The following VWF variants were observed in gnomAD, a reference collection of about 807,000 sequenced individuals.
The protein encoded by VWF is von Willebrand factor.
A neutral mutation model predicts 308.6 loss-of-function variants in VWF; 176 were observed. The ratio of observed to expected loss-of-function variants is 0.57; its 90% CI spans 0.50 to 0.65. VWF has a LOEUF of 0.65. Ranked by LOEUF, VWF falls within the 30% of genes least tolerant of loss-of-function variation. The pLI is 0.00. For synonymous variants in VWF, 1,385 were observed against 1,443.4 expected (o/e 0.96, Z 0.92); for missense variants, 3,146 against 3,648.2 (o/e 0.86, Z 3.55).
intron 18 of VWF, among the ~76,000 whole-genome samples, chr12:6,040,032 C>G (rs1565840208): frequency 6.6e-6 from 1 of 152,192 alleles, no homozygotes; most frequent in Non-Finnish European, 1.5e-5. Context: ...GAAGGCTTGA[C>G]CCGGCTCTGT....
At position 6,057,979 on chromosome 12, in the gene VWF, G is replaced by A. The variant is rs1182156724; in HGVS notation, c.1599C>T (p.Asp533=). 6.2e-7 allele frequency: 1 copy of A among 1,613,638 alleles called. No homozygotes were observed. The highest frequency in any genetic ancestry group is 8.5e-7 in the Non-Finnish European group (1 of 1,180,036). The change falls in exon 14 of 52, where the codon GAC becomes GAT. Residue 533 remains aspartate (D), a synonymous_variant. Coordinates refer to ENST00000261405, the MANE Select transcript of VWF (RefSeq NM_000552.5). ...CCAGCCCAGAGGGGGTAAGGAAGTC[G>A]TCGCCCTGGTTGCCATTGTAATTCC... ...LCGNYNGNQG[D]DFLTPSGLAE...
intron 43 of VWF, among the ~76,000 whole-genome samples, chr12:5,975,219 C>T (rs1943520600): frequency 6.6e-6 from 1 of 152,236 alleles, no homozygotes; most frequent in Non-Finnish European, 1.5e-5. Context: ...CTCCGTCAAA[C>T]CATTCACCTC....
intron 13 of VWF, 143 bp downstream of exon 13, chr12:6,062,811 A>G (rs1340034861): frequency 1.5e-5 from 10 of 682,494 alleles, no homozygotes; most frequent in Non-Finnish European, 2.5e-5. Context: ...TAAACAAGAG[A>G]GGCCTGTTTC....
chr12:6,071,501 T>A (rs763881279), intron 9 of VWF, among the ~76,000 whole-genome samples, 158 bp from the exon 10 acceptor site: 5 of 152,058 alleles, frequency 3.3e-5, no homozygotes, highest in Non-Finnish European at 5.9e-5. Flanking sequence ...GTTAAAATTG[T>A]ACAGGACAGA....
At chr12:5,971,372 A>G (rs965979731) in intron 44 of VWF, among the ~76,000 whole-genome samples, 3 of 152,200 alleles carry the variant, frequency 2.0e-5, no homozygotes, top group Non-Finnish European at 4.4e-5. Flanking sequence ...TCCCCCTGGG[A>G]GGGCCCTGGG....
At position 5,962,538 on chromosome 12, in the gene VWF, C is replaced by CTTTTT. The variant is rs35124526; in HGVS notation, c.7887+4943_7887+4947dup. ...TTGGTCCATACATACACAGGCAATTCTTTTTTTTTTTTTTTTTTTTTTTGA... is the reference window on the plus strand; with the variant it reads ...TTGGTCCATACATACACAGGCAATTCTTTTTTTTTTTTTTTTTTTTTTTTTTTTGA... On this transcript the variant is annotated intron_variant, in intron 47 of 51. Coordinates refer to ENST00000261405, the MANE Select transcript of VWF (RefSeq NM_000552.5). Among the ~76,000 whole-genome samples, 307 of 101,582 alleles carry CTTTTT rather than the reference C, an allele frequency of 3.0e-3. 5 individuals carry two copies. Among genetic ancestry groups the CTTTTT allele is most frequent in the Non-Finnish European group, 4.4e-3 (224 of 50,776 alleles). 66.6% of individuals were successfully genotyped at this position (101,582 alleles called of 152,430 possible). A position where few individuals can be genotyped will look rare whatever the true frequency, so the allele number is the denominator to read the frequency against.
intron 6 of VWF, among the ~76,000 whole-genome samples, chr12:6,089,222 C>T (rs1174205205): frequency 1.3e-5 from 2 of 152,146 alleles, no homozygotes; most frequent in Admixed American, 6.5e-5. Context: ...TCTTGGGAGA[C>T]GAGTCATTGT....
chr12:6,095,738 G>T, intron 5 of VWF, 154 bp from the exon 6 acceptor site: 1 of 781,766 alleles, frequency 1.3e-6, no homozygotes, highest in Non-Finnish European at 1.9e-6. Context: ...CTGGAGTGCA[G>T]CGGCTATTCA....
chr12:6,052,808 C>T, intron 15 of VWF, 25 bp from the exon 16 acceptor site: 1 of 1,437,244 alleles, frequency 7.0e-7, no homozygotes, highest in Non-Finnish European at 9.7e-7. Flanking sequence ...AGAAGTAAGG[C>T]CTCAGCGGGA....
chr12:6,098,852 G>A (rs1945131989), intron 5 of VWF, among the ~76,000 whole-genome samples: 2 of 152,162 alleles, frequency 1.3e-5, no homozygotes, highest in South Asian at 2.1e-4. Context: ...CAGACCTGGT[G>A]AGTGTTGAAG....
At position 6,075,557 on chromosome 12, in the gene VWF, G is replaced by A. The variant is rs1195500159; in HGVS notation, c.658-6C>T. Reference sequence around the variant, plus strand: ...TGGCACTGCTCCCACAGGCCCTGCAGGAAGAGGGGCCGCCTCAGCGGTATG... The same window carrying A: ...TGGCACTGCTCCCACAGGCCCTGCAAGAAGAGGGGCCGCCTCAGCGGTATG... On this transcript the variant is annotated splice_region_variant and splice_polypyrimidine_tract_variant and intron_variant, in intron 6 of 51. Coordinates refer to ENST00000261405, the MANE Select transcript of VWF (RefSeq NM_000552.5). The surrounding 1 kb of genome is among the most constrained non-coding windows in gnomAD (Gnocchi z 4.7). 6.2e-7 allele frequency: 1 copy of A among 1,612,548 alleles called. No individual in the cohort carries two copies.
In VWF at chr12:6,002,484, T is replaced by C. The variant is rs548030282; in HGVS notation, c.5843-6262A>G. Among the ~76,000 whole-genome samples, 3 of 151,990 alleles carry C rather than the reference T, an allele frequency of 2.0e-5. No individual in the cohort carries two copies. The East Asian group carries it at 5.8e-4, about 29-fold the overall frequency. ...AGTATATACAAACAATAAACAAAATTTTAGTTTAAAAAAAAGACTACTTTC... is the reference window on the plus strand; with the variant it reads ...AGTATATACAAACAATAAACAAAATCTTAGTTTAAAAAAAAGACTACTTTC... On this transcript the variant is annotated intron_variant, in intron 34 of 51. Transcript: ENST00000261405.
At chr12:5,968,811 T>TCAAA (rs1012852618) in intron 45 of VWF, among the ~76,000 whole-genome samples, 26 of 152,270 alleles carry the variant, frequency 1.7e-4, no homozygotes, top group African/African-American at 4.8e-4. Flanking sequence ...AGAATCTGCC[T>TCAAA]CAAACAAACA....
intron 7 of VWF, among the ~76,000 whole-genome samples, chr12:6,074,487 T>TATAA (rs1944817852): frequency 1.6e-5 from 1 of 61,982 alleles, no homozygotes; most frequent in African/African-American, 4.9e-5. Context: ...TTCACAGACC[T>TATAA]AAAAAAAAAA....
chr12:5,956,744 T>C (rs1943256054), intron 47 of VWF, among the ~76,000 whole-genome samples: 2 of 152,058 alleles, frequency 1.3e-5, no homozygotes, highest in African/African-American at 2.4e-5. Flanking sequence ...AGCTGTACAA[T>C]GTGTTTGTGT....
rs199831474 is a variant in VWF, at chr12:6,019,629, C to T, written c.3789G>A (p.Ser1263=). Reference sequence around the variant, plus strand: ...AGTAGAAATCGTGCAACGGCGGTTCCGAGATGTCCTCCACATACAGAGTGG... The same window carrying T: ...AGTAGAAATCGTGCAACGGCGGTTCTGAGATGTCCTCCACATACAGAGTGG... ...SPTTLYVEDI[S]EPPLHDFYCS... The change falls in exon 28 of 52, where the codon TCG becomes TCA. Residue 1263 remains serine, a synonymous_variant. Coordinates refer to ENST00000261405, the MANE Select transcript of VWF (RefSeq NM_000552.5). This position sits in a 1 kb window ranked among gnomAD's most constrained non-coding sequence, Gnocchi z 5.8. The T allele has an allele frequency of 1.4e-3, 2,256 of 1,611,968 alleles. 6 individuals carry two copies. Among genetic ancestry groups the T allele is most frequent in the South Asian group, 4.6e-3 (419 of 90,968 alleles).
intron 34 of VWF, among the ~76,000 whole-genome samples, chr12:6,002,082 G>A (rs1943878308): frequency 6.6e-6 from 1 of 151,866 alleles, no homozygotes; most frequent in South Asian, 2.1e-4. Flanking sequence ...CATATAAAGT[G>A]ATCCTAGGAA....
At chr12:6,038,506 C>T (rs572789847) in intron 18 of VWF, among the ~76,000 whole-genome samples, 1 of 152,382 alleles carries the variant, frequency 6.6e-6, no homozygotes, top group South Asian at 2.1e-4. Context: ...CCATGATATT[C>T]AACCCATGGG....
chr12:5,967,191 A>G (rs984276507), intron 47 of VWF, among the ~76,000 whole-genome samples: 1 of 152,236 alleles, frequency 6.6e-6, no homozygotes, highest in Non-Finnish European at 1.5e-5. Flanking sequence ...GTTTCTTAAA[A>G]TACATAAAGG....
Sources: gnomAD v4.1 joint callset for allele counts (sites outside exome capture counted in the v4.1 genomes callset) on GRCh38, gnomAD v4.1.1 for gene constraint, Gnocchi (gnomAD v3.1) non-coding constraint, MANE v1.5 for transcripts, NCBI Gene and HGNC (gene_info 2026-07-23, HGNC 2026-07-21) for gene names.